Variants in DHTKD1 observed in about 807,000 individuals in gnomAD.
DHTKD1 encodes the protein 2-oxoadipate dehydrogenase complex component E1.
DHTKD1 carries 78 observed loss-of-function variants against 101.8 expected under a neutral mutation model. The observed-to-expected ratio is 0.77, with a 90% CI of 0.64 to 0.93. The LOEUF is 0.93. DHTKD1 is among the 40% of genes least tolerant of loss of function. The pLI is 0.00. For synonymous variants in DHTKD1, 462 were observed against 450.3 expected (o/e 1.03, Z -0.33); for missense variants, 1,223 against 1,161.7 (o/e 1.05, Z -0.77).
intron 1 of DHTKD1, among the ~76,000 whole-genome samples, chr10:12,072,088 C>G: frequency 6.6e-6 from 1 of 152,156 alleles, no homozygotes; most frequent in East Asian, 1.9e-4. Flanking sequence ...GGCCTTCTTT[C>G]TTCATATGTT....
At chr10:12,073,873 G>C (rs1275400433) in intron 1 of DHTKD1, among the ~76,000 whole-genome samples, 2 of 152,166 alleles carry the variant, frequency 1.3e-5, no homozygotes, top group African/African-American at 4.8e-5. Context: ...CTTGATCTCA[G>C]GACTTCATTC....
intron 3 of DHTKD1, among the ~76,000 whole-genome samples, chr10:12,085,408 C>T (rs565393525): frequency 6.6e-6 from 1 of 152,212 alleles, no homozygotes; most frequent in Admixed American, 6.5e-5. Context: ...ATATAACACA[C>T]ACCATTTTAT....
chr10:12,112,268 T>C lies in DHTKD1; in HGVS notation c.2155-632T>C, dbSNP rs529939941. On this transcript the variant is annotated intron_variant, in intron 12 of 16. Coordinates refer to ENST00000263035, the MANE Select transcript of DHTKD1 (RefSeq NM_018706.7). ...AGTTTGGGGTTACAGTGTGCTATGATCATGCCACTGAACTCCAGCCTGGGT... is the reference window on the plus strand; with the variant it reads ...AGTTTGGGGTTACAGTGTGCTATGACCATGCCACTGAACTCCAGCCTGGGT... Among the ~76,000 whole-genome samples, 345 of 152,220 alleles carry C rather than the reference T, an allele frequency of 2.3e-3. 2 individuals are homozygous for C. The highest frequency in any genetic ancestry group is 8.0e-3 in the African/African-American group (332 of 41,536).
At position 12,087,502 on chromosome 10, in the gene DHTKD1, C is replaced by A. The variant is rs534804740; in HGVS notation, c.523-33C>A. ...TTCCACTGGAGAAGCTGGCTGTCTC[C>A]TGGCAGCTCACGTCTGACATGATGT... On this transcript the variant is annotated intron_variant, in intron 3 of 16. Coordinates refer to ENST00000263035, the MANE Select transcript of DHTKD1 (RefSeq NM_018706.7). This position sits in a 1 kb window ranked among gnomAD's most constrained non-coding sequence, Gnocchi z 5.2. 4 of 1,544,798 alleles carry A rather than the reference C, an allele frequency of 2.6e-6. No homozygotes were observed. The Admixed American group carries it at 7.7e-5, about 30-fold the overall frequency.
At chr10:12,075,550 T>G (rs935050254) in intron 1 of DHTKD1, among the ~76,000 whole-genome samples, 1 of 132,440 alleles carries the variant, frequency 7.6e-6, no homozygotes, top group African/African-American at 3.1e-5. Context: ...AATTTTTGTA[T>G]TTTTTGTAGA....
intron 13 of DHTKD1, among the ~76,000 whole-genome samples, chr10:12,113,881 C>CT: frequency 6.6e-6 from 1 of 152,082 alleles, no homozygotes; most frequent in Non-Finnish European, 1.5e-5. Flanking sequence ...GACCATGCCA[C>CT]TACACTCCAG....
chr10:12,077,475 C>T (rs1832751618), intron 1 of DHTKD1, among the ~76,000 whole-genome samples: 1 of 152,066 alleles, frequency 6.6e-6, no homozygotes, highest in African/African-American at 2.4e-5. Flanking sequence ...GATGAGGTCA[C>T]CTTGGCCCGC....
chr10:12,118,506 C>T (rs550865148), intron 14 of DHTKD1, among the ~76,000 whole-genome samples: 153 of 151,988 alleles, frequency 1.0e-3, no homozygotes, highest in African/African-American at 3.5e-3. Context: ...CCTTAGCCTC[C>T]CGAGTAGCTG....
intron 8 of DHTKD1, 103 bp from the exon 9 acceptor site, chr10:12,100,075 C>A: frequency 3.1e-6 from 2 of 638,198 alleles, no homozygotes; most frequent in Non-Finnish European, 5.4e-6. Flanking sequence ...GGATTACAGG[C>A]ATGAGCCACC....
chr10:12,077,418 G>T (rs979249890), intron 1 of DHTKD1, among the ~76,000 whole-genome samples: 3 of 151,952 alleles, frequency 2.0e-5, no homozygotes, highest in African/African-American at 7.2e-5. Flanking sequence ...GTAGAGACAG[G>T]GTTTCACCAT....
At chr10:12,090,377 C>T (rs1371317479) in intron 5 of DHTKD1, among the ~76,000 whole-genome samples, 5 of 118,608 alleles carry the variant, frequency 4.2e-5, no homozygotes, top group African/African-American at 1.1e-4. Flanking sequence ...CCCTTCCTTC[C>T]TTCCTTCCTT....
rs116667960 is a variant in DHTKD1 at position 12,106,440 on chromosome 10, G to A, written c.2047+44G>A. ...GGTGGGTACAGGTGGGGGTCCCTGC[G>A]TGGCCCCAGCCTCGTGGGGACAAAT... On this transcript the variant is annotated intron_variant, in intron 11 of 16. Coordinates refer to ENST00000263035, the MANE Select transcript of DHTKD1 (RefSeq NM_018706.7). 1.4e-3 allele frequency: 2,241 copies of A among 1,607,776 alleles called. 25 individuals are homozygous for A. The African/African-American group carries it at 0.024, about 17-fold the overall frequency.
chr10:12,070,392 C>T (rs1046005469), intron 1 of DHTKD1, among the ~76,000 whole-genome samples: 1 of 152,158 alleles, frequency 6.6e-6, no homozygotes, highest in African/African-American at 2.4e-5. Context: ...ATCTGGGCAC[C>T]TGACCTTGGA....
At position 12,120,173 on chromosome 10, in the gene DHTKD1, C is replaced by G; in HGVS notation, c.2573-9C>G. 1 of 1,610,208 alleles carries G rather than the reference C, an allele frequency of 6.2e-7. No homozygotes were observed. The highest frequency in any genetic ancestry group is 1.1e-5 in the South Asian group (1 of 90,830). On this transcript the variant is annotated splice_polypyrimidine_tract_variant and intron_variant, in intron 15 of 16. Coordinates refer to ENST00000263035, the MANE Select transcript of DHTKD1 (RefSeq NM_018706.7). Reference sequence around the variant, plus strand: ...ACTTGAGGTGCTGAAAGAATTTCTTCTCTCATAGATCATATTTGGAGTCAG... The same window carrying G: ...ACTTGAGGTGCTGAAAGAATTTCTTGTCTCATAGATCATATTTGGAGTCAG...
In DHTKD1 at chr10:12,088,996, G is replaced by C. The variant is rs781779430; in HGVS notation, c.728G>C (p.Arg243Pro). Residue 243 changes from arginine to proline, a missense_variant, in exon 5 of 17, where the codon CGT becomes CCT. Coordinates refer to ENST00000263035, the MANE Select transcript of DHTKD1 (RefSeq NM_018706.7). ...ATGTATCCACAATAGCTGATGTTCC[G>C]TAAAATGCGAGGCTTAAGTGAATTT... ...LLQFPPELMF[R>P]KMRGLSEFPE... The C allele has an allele frequency of 2.5e-6, 4 of 1,613,296 alleles. No homozygotes were observed. Among genetic ancestry groups the C allele is most frequent in the East Asian group, 2.2e-5 (1 of 44,868 alleles).
intron 1 of DHTKD1, among the ~76,000 whole-genome samples, chr10:12,069,684 C>CTTTTTTT (rs11292752): frequency 3.9e-5 from 1 of 25,478 alleles, no homozygotes; most frequent in Non-Finnish European, 7.1e-5. Flanking sequence ...CCACGCCCAG[C>CTTTTTTT]TTTTTTTTTT....
At chr10:12,111,911 C>T (rs1833336277) in intron 12 of DHTKD1, among the ~76,000 whole-genome samples, 1 of 152,070 alleles carries the variant, frequency 6.6e-6, no homozygotes, top group Non-Finnish European at 1.5e-5. Flanking sequence ...TTTGTGTTGT[C>T]TCCAGCTACT....
At position 12,075,211 on chromosome 10, in the gene DHTKD1, G is replaced by A. The variant is rs965180735; in HGVS notation, c.154+6024G>A. Among the ~76,000 whole-genome samples the A allele has an allele frequency of 1.1e-4, 16 of 152,160 alleles. No individual in the cohort carries two copies. In the South Asian group the frequency reaches 1.5e-3, roughly 14 times the overall value. On this transcript the variant is annotated intron_variant, in intron 1 of 16. Coordinates refer to ENST00000263035, the MANE Select transcript of DHTKD1 (RefSeq NM_018706.7). ...TTTCTTTTTTTTGAGACGGAGTCTC[G>A]CTCTGTCACCCAGGCTGGAGTGCAG...
intron 12 of DHTKD1, among the ~76,000 whole-genome samples, chr10:12,112,400 G>C (rs11257541): frequency 0.13 from 19,254 of 151,966 alleles, 1,301 homozygotes; most frequent in East Asian, 0.2. Flanking sequence ...TTATGCCTCA[G>C]CTTTCTGTCC....
Sources: allele counts gnomAD v4.1 joint callset (sites outside exome capture counted in the v4.1 genomes callset), GRCh38; gene constraint gnomAD v4.1.1; non-coding constraint Gnocchi (gnomAD v3.1); transcripts MANE v1.5; gene names NCBI Gene and HGNC (gene_info 2026-07-23, HGNC 2026-07-21).